NELL1: variants seen among roughly 807,000 people sequenced by gnomAD.
The protein encoded by NELL1 is protein kinase C-binding protein NELL1.
A neutral mutation model predicts 107.4 loss-of-function variants in NELL1; 76 were observed. The observed-to-expected ratio is 0.71, with a 90% CI of 0.59 to 0.86. NELL1 has a LOEUF of 0.86. NELL1 is among the 40% of genes least tolerant of loss of function. The pLI is 0.00. For synonymous variants in NELL1, 353 were observed against 341.2 expected (o/e 1.03, Z -0.38); for missense variants, 1,024 against 1,005.5 (o/e 1.02, Z -0.25).
chr11:21,403,613 A>G (rs1375616725), intron 15 of NELL1, among the ~76,000 whole-genome samples: 1 of 151,726 alleles, frequency 6.6e-6, no homozygotes, highest in African/African-American at 2.4e-5. Context: ...CTTCAAAAAA[A>G]AAAAAAAATG....
At chr11:20,847,008 A>G (rs751280072) in intron 3 of NELL1, among the ~76,000 whole-genome samples, 2 of 152,232 alleles carry the variant, frequency 1.3e-5, no homozygotes, top group East Asian at 1.9e-4. Flanking sequence ...TCATTCTCTG[A>G]TAATTTGAAA....
intron 12 of NELL1, among the ~76,000 whole-genome samples, chr11:21,103,399 T>C (rs1438980719): frequency 6.6e-6 from 1 of 152,170 alleles, no homozygotes; most frequent in African/African-American, 2.4e-5. Context: ...AAGTTTGCCT[T>C]GTAGAGAGGC....
intron 15 of NELL1, among the ~76,000 whole-genome samples, chr11:21,381,786 A>G (rs531884330): frequency 6.6e-5 from 10 of 151,896 alleles, no homozygotes; most frequent in Admixed American, 4.6e-4. Flanking sequence ...TTTATGTAAC[A>G]TCTTATCAAG....
chr11:20,803,399 T>A (rs980066984), intron 3 of NELL1, among the ~76,000 whole-genome samples: 1 of 152,198 alleles, frequency 6.6e-6, no homozygotes, highest in Non-Finnish European at 1.5e-5. Flanking sequence ...TCAGTTGTAA[T>A]GTCTCCTATT....
At chr11:20,732,553 A>T (rs779890982) in intron 2 of NELL1, among the ~76,000 whole-genome samples, 4 of 152,064 alleles carry the variant, frequency 2.6e-5, no homozygotes, top group Non-Finnish European at 5.9e-5. Context: ...AGGTCTGAGG[A>T]TTTGGAGATC....
At chr11:20,841,468 C>T (rs1848621494) in intron 3 of NELL1, among the ~76,000 whole-genome samples, 1 of 152,058 alleles carries the variant, frequency 6.6e-6, no homozygotes, top group Admixed American at 6.6e-5. Context: ...CCTCTCCTTC[C>T]TCTCTCCTCC....
chr11:20,936,621 T>C (rs373695832), intron 9 of NELL1, among the ~76,000 whole-genome samples: 3 of 152,202 alleles, frequency 2.0e-5, no homozygotes, highest in East Asian at 1.9e-4. Context: ...TTAGTAATTA[T>C]ACATTCACTG....
At chr11:21,125,013 A>T (rs1855457639) in intron 13 of NELL1, among the ~76,000 whole-genome samples, 1 of 152,138 alleles carries the variant, frequency 6.6e-6, no homozygotes, top group Non-Finnish European at 1.5e-5. Context: ...CCACTTCCTA[A>T]TACCATCACC....
intron 12 of NELL1, among the ~76,000 whole-genome samples, chr11:21,006,388 C>A (rs1852328397): frequency 6.6e-6 from 1 of 152,058 alleles, no homozygotes; most frequent in Non-Finnish European, 1.5e-5. Context: ...AGTCCCTTAA[C>A]CTTGGACTTT....
At chr11:21,496,335 C>A (rs550623696) in intron 15 of NELL1, among the ~76,000 whole-genome samples, 1 of 150,564 alleles carries the variant, frequency 6.6e-6, no homozygotes, top group South Asian at 2.1e-4. Context: ...TCCTCCTTTG[C>A]ATTTCTTAAT....
At chr11:21,463,272 A>T (rs766329895) in intron 15 of NELL1, among the ~76,000 whole-genome samples, 1 of 152,050 alleles carries the variant, frequency 6.6e-6, no homozygotes, top group East Asian at 1.9e-4. Context: ...TCTAGTTTAA[A>T]GTATCTGGTG....
chr11:20,871,508 T>C (rs1344708504), intron 4 of NELL1, among the ~76,000 whole-genome samples: 1 of 152,218 alleles, frequency 6.6e-6, no homozygotes, highest in Non-Finnish European at 1.5e-5. Context: ...ATCTGTCTAT[T>C]CATCCATCAT....
chr11:20,992,364 G>T (rs1210061037), intron 12 of NELL1, among the ~76,000 whole-genome samples: 1 of 152,184 alleles, frequency 6.6e-6, no homozygotes, highest in African/African-American at 2.4e-5. Flanking sequence ...AGGATTGAAC[G>T]TTTTTGGGTA....
intron 12 of NELL1, among the ~76,000 whole-genome samples, chr11:21,008,661 C>CT (rs1852381902): frequency 6.6e-6 from 1 of 151,862 alleles, no homozygotes; most frequent in Non-Finnish European, 1.5e-5. Context: ...GAAAGGTTAG[C>CT]TTTTTGGGAG....
At chr11:21,406,963 C>T (rs1456542658) in intron 15 of NELL1, among the ~76,000 whole-genome samples, 1 of 152,062 alleles carries the variant, frequency 6.6e-6, no homozygotes, top group Non-Finnish European at 1.5e-5. Flanking sequence ...TAACCAACCT[C>T]TCTTCACCCT....
chr11:21,464,582 T>TG (rs1347385090), intron 15 of NELL1, among the ~76,000 whole-genome samples: 1 of 152,106 alleles, frequency 6.6e-6, no homozygotes, highest in Non-Finnish European at 1.5e-5. Context: ...ATAGTTTTTT[T>TG]GTATCTAAAA....
At chr11:21,120,187 T>A (rs1189653475) in intron 13 of NELL1, among the ~76,000 whole-genome samples, 1 of 152,128 alleles carries the variant, frequency 6.6e-6, no homozygotes, top group Non-Finnish European at 1.5e-5. Context: ...TTTAATGGTT[T>A]GAATTAAGTA....
chr11:20,869,875 G>C (rs1209626284), intron 4 of NELL1, among the ~76,000 whole-genome samples: 2 of 152,150 alleles, frequency 1.3e-5, no homozygotes, highest in Non-Finnish European at 2.9e-5. Context: ...GTGTTAGTTA[G>C]GATGCTCTAG....
intron 2 of NELL1, among the ~76,000 whole-genome samples, chr11:20,782,260 AGTAGC>A (rs1419499825): frequency 6.6e-6 from 1 of 152,190 alleles, no homozygotes; most frequent in African/African-American, 2.4e-5. Context: ...TTAAGAATTA[AGTAGC>A]GAAGGCCTTG....
Sources: allele counts gnomAD v4.1 joint callset (sites outside exome capture counted in the v4.1 genomes callset), GRCh38; gene constraint gnomAD v4.1.1; transcripts MANE v1.5; gene names NCBI Gene and HGNC (gene_info 2026-07-23, HGNC 2026-07-21).